The following MTUS2 variants were observed in gnomAD, a reference collection of about 807,000 sequenced individuals.
MTUS2 encodes the protein microtubule-associated tumor suppressor candidate 2.
Under a neutral mutation model 114.1 loss-of-function variants are expected in MTUS2, and 40 were observed. That is an observed-to-expected ratio of 0.35 (90% CI 0.27 to 0.46). The LOEUF (loss-of-function observed/expected upper bound fraction) is 0.46. Among genes scored for constraint, MTUS2 ranks in the 20% least tolerant of loss-of-function variants. The probability of loss-of-function intolerance (pLI) is 1.00; values close to 1 mark genes in which losing one functional copy is unlikely to be tolerated. For missense variants in MTUS2, 1,679 were observed against 1,705.4 expected (o/e 0.98, Z 0.27); for synonymous variants, 688 against 672.0 (o/e 1.02, Z -0.37).
In MTUS2 at chr13:29,026,611, A is replaced by C. The variant is rs1886565706; in HGVS notation, c.1913A>C (p.Lys638Thr). 2 of 1,613,982 alleles carry C rather than the reference A, an allele frequency of 1.2e-6. No individual in the cohort carries two copies. The highest frequency in any genetic ancestry group is 1.7e-6 in the Non-Finnish European group (2 of 1,179,882). ...ETKPIIMPKP[K>T]HVRPKIITYI... ...AAGCCCATCATTATGCCCAAGCCCA[A>C]GCATGTGAGGCCCAAGATCATCACC... The change falls in exon 3 of 16, where the codon AAG (lysine) becomes ACG (threonine). Residue 638 changes from lysine to threonine, a missense_variant. Physicochemically the swap from Lys to Thr is moderately conservative, Grantham distance 78 (BLOSUM62 -1). Around this residue, in one of 3 missense-constraint regions of MTUS2, gnomAD observed 14 missense variants for 34.9 expected, o/e 0.40. Coordinates refer to ENST00000612955, the MANE Select transcript of MTUS2 (RefSeq NM_001033602.4).
chr13:28,821,238 A>G (rs1385741066), intron 1 of MTUS2, among the ~76,000 whole-genome samples: 1 of 152,178 alleles, frequency 6.6e-6, no homozygotes, highest in Non-Finnish European at 1.5e-5. Context: ...TTACTTGGAG[A>G]TAAGCAGTGG....
At chr13:29,013,144 G>C (rs1337731501) in intron 2 of MTUS2, among the ~76,000 whole-genome samples, 1 of 152,176 alleles carries the variant, frequency 6.6e-6, no homozygotes, top group Non-Finnish European at 1.5e-5. Flanking sequence ...GTGATTCGGG[G>C]TGTTTCCTTT....
chr13:29,192,710 C>T (rs1052586238), intron 5 of MTUS2, among the ~76,000 whole-genome samples: 9 of 152,124 alleles, frequency 5.9e-5, no homozygotes, highest in South Asian at 2.1e-4. Context: ...ACTTATGATT[C>T]GCCTAAAAAA....
chr13:28,994,104 A>G lies in MTUS2; in HGVS notation c.-242-30353A>G, dbSNP rs183478106. On this transcript the variant is annotated intron_variant, in intron 2 of 15. Transcript: ENST00000612955. The stretch of plus-strand genomic sequence containing the variant: ...GTGTGATGTTCCCCTTCCTGTGTCC[A>G]TGTGTTCTCATTGTTCAATTACCAC... 6.0e-4 allele frequency among the ~76,000 whole-genome samples: 91 copies of G among 151,972 alleles called. 1 individual carries two copies. The highest frequency in any genetic ancestry group is 7.5e-4 in the Non-Finnish European group (51 of 67,984).
At chr13:29,220,523 A>G (rs940984115) in intron 5 of MTUS2, among the ~76,000 whole-genome samples, 1 of 152,142 alleles carries the variant, frequency 6.6e-6, no homozygotes, top group Admixed American at 6.5e-5. Flanking sequence ...CCTAATTTCA[A>G]TATTGTTGTG....
At chr13:29,066,872 G>C (rs1438261072) in intron 4 of MTUS2, among the ~76,000 whole-genome samples, 1 of 152,250 alleles carries the variant, frequency 6.6e-6, no homozygotes, top group East Asian at 1.9e-4. Flanking sequence ...GCAGAGATGT[G>C]CTCTGGAAAG....
chr13:29,290,253 G>A lies in MTUS2; in HGVS notation c.2806+8388G>A, dbSNP rs574037825. Among the ~76,000 whole-genome samples the A allele has an allele frequency of 2.6e-5, 4 of 152,242 alleles. No individual in the cohort carries two copies. In the South Asian group the frequency reaches 8.3e-4, roughly 32 times the overall value. On this transcript the variant is annotated intron_variant, in intron 6 of 15. Coordinates refer to ENST00000612955, the MANE Select transcript of MTUS2 (RefSeq NM_001033602.4). ...TTTCCTAGGTCATGTTCCCTTTAAG[G>A]TGGGAGTCCTGAAAACAGGCTGCAT...
chr13:29,005,609 C>T (rs553387552), intron 2 of MTUS2, among the ~76,000 whole-genome samples: 173 of 152,262 alleles, frequency 1.1e-3, no homozygotes, highest in Non-Finnish European at 2.2e-3. Flanking sequence ...GTAAGCGAGG[C>T]ACAGGCAGAG....
intron 2 of MTUS2, among the ~76,000 whole-genome samples, chr13:28,912,613 A>G (rs535935960): frequency 6.6e-6 from 1 of 151,900 alleles, no homozygotes; most frequent in Non-Finnish European, 1.5e-5. Context: ...AAGTATGGCC[A>G]TTTTCATGAT....
intron 5 of MTUS2, among the ~76,000 whole-genome samples, chr13:29,158,803 C>A (rs899893714): frequency 9.9e-5 from 15 of 152,080 alleles, no homozygotes; most frequent in Non-Finnish European, 1.9e-4. Flanking sequence ...TTAAGATGCT[C>A]AGGGAACCCA....
intron 9 of MTUS2, among the ~76,000 whole-genome samples, chr13:29,477,239 C>T (rs1334182946): frequency 1.3e-5 from 2 of 152,142 alleles, no homozygotes; most frequent in African/African-American, 2.4e-5. Context: ...TGTCAATCAC[C>T]GTTTTTTAAT....
intron 2 of MTUS2, among the ~76,000 whole-genome samples, chr13:29,021,542 C>G (rs959165720): frequency 2.0e-5 from 3 of 151,968 alleles, no homozygotes; most frequent in African/African-American, 7.3e-5. Context: ...TTTCTTTCTC[C>G]CAGCTTCAAC....
intron 2 of MTUS2, among the ~76,000 whole-genome samples, chr13:28,984,676 TCAA>T (rs1358753206): frequency 6.6e-6 from 1 of 152,242 alleles, no homozygotes; most frequent in Non-Finnish European, 1.5e-5. Flanking sequence ...AAGGAGATCC[TCAA>T]TACTTTCTAT....
intron 9 of MTUS2, among the ~76,000 whole-genome samples, chr13:29,477,271 C>A (rs1364204780): frequency 2.0e-5 from 3 of 152,186 alleles, no homozygotes; most frequent in Admixed American, 2.0e-4. Flanking sequence ...GGTCTTTGTT[C>A]TATTCTCTCA....
chr13:28,893,977 A>T (rs910697443), intron 2 of MTUS2, among the ~76,000 whole-genome samples: 1 of 152,016 alleles, frequency 6.6e-6, no homozygotes, highest in Non-Finnish European at 1.5e-5. Context: ...TTTTATAGTG[A>T]TGGGCAAAAG....
intron 2 of MTUS2, among the ~76,000 whole-genome samples, chr13:28,965,037 G>A (rs1040335992): frequency 6.6e-6 from 1 of 152,152 alleles, no homozygotes; most frequent in African/African-American, 2.4e-5. Flanking sequence ...CATGGCATAT[G>A]TGTGTCACTT....
At chr13:29,421,085 G>C (rs748314289) in intron 8 of MTUS2, among the ~76,000 whole-genome samples, 1 of 152,056 alleles carries the variant, frequency 6.6e-6, no homozygotes, top group African/African-American at 2.4e-5. Flanking sequence ...TCTAAATCCT[G>C]GTTATTATAT....
intron 12 of MTUS2, among the ~76,000 whole-genome samples, chr13:29,495,291 T>G (rs1882468781): frequency 7.2e-6 from 1 of 138,064 alleles, no homozygotes; most frequent in Non-Finnish European, 1.5e-5. Context: ...CCGGCAGGCT[T>G]AGGTTGCAGT....
At chr13:29,345,773 T>A (rs113195575) in intron 7 of MTUS2, among the ~76,000 whole-genome samples, 11,537 of 152,154 alleles carry the variant, frequency 0.076, 1,478 homozygotes, top group African/African-American at 0.26. Context: ...TCTTTCTCAT[T>A]TGGGTAGCCT....
Sources: gnomAD v4.1 joint callset for allele counts (sites outside exome capture counted in the v4.1 genomes callset) on GRCh38, gnomAD v4.1.1 for gene constraint, gnomAD v4.1.1 regional missense constraint, MANE v1.5 for transcripts, NCBI Gene and HGNC (gene_info 2026-07-23, HGNC 2026-07-21) for gene names.